KCNQ3: variants seen among roughly 807,000 people sequenced by gnomAD.
KCNQ3 encodes potassium voltage-gated channel subfamily Q member 3.
Under a neutral mutation model 92.5 loss-of-function variants are expected in KCNQ3, and 30 were observed. The ratio of observed to expected loss-of-function variants is 0.32; its 90% CI spans 0.24 to 0.44. KCNQ3 has a LOEUF of 0.44. KCNQ3 is among the 20% of genes least tolerant of loss of function. The pLI is 1.00. For missense variants in KCNQ3, 913 were observed against 1,140.3 expected, an observed-to-expected ratio of 0.80 and a Z score of 2.87; for synonymous variants, 450 against 468.8, an observed-to-expected ratio of 0.96 and a Z score of 0.52.
chr8:132,352,951 A>C (rs1818916563), intron 1 of KCNQ3, among the ~76,000 whole-genome samples: 1 of 152,204 alleles, frequency 6.6e-6, no homozygotes, highest in African/African-American at 2.4e-5. Context: ...ATGAGAGTGA[A>C]GCACACAAAG....
chr8:132,179,937 C>G lies in KCNQ3; in HGVS notation c.777+220G>C, dbSNP rs41272381. ...TGCATATGGTGGAGCCAATACCTAA[C>G]CTCAGTTTCACCTGTTCCTGCTCCC... On this transcript the variant is annotated intron_variant, in intron 4 of 14. Transcript: ENST00000388996. 0.051 allele frequency among the ~76,000 whole-genome samples: 7,779 copies of G among 152,278 alleles called. 308 individuals carry two copies. The highest frequency in any genetic ancestry group is 0.074 in the Non-Finnish European group (5,028 of 68,018).
chr8:132,341,782 C>T (rs1377401281), intron 1 of KCNQ3, among the ~76,000 whole-genome samples: 1 of 152,194 alleles, frequency 6.6e-6, no homozygotes, highest in Non-Finnish European at 1.5e-5. Context: ...AAGAGACATT[C>T]AGAGCATATC....
At chr8:132,168,717 A>ATGTGTG (rs568659056) in intron 8 of KCNQ3, among the ~76,000 whole-genome samples, 4 of 108,520 alleles carry the variant, frequency 3.7e-5, no homozygotes, top group East Asian at 3.1e-4. Flanking sequence ...GATAATGAAT[A>ATGTGTG]TGTGTGTGTG....
At chr8:132,472,846 C>T (rs528240164) in intron 1 of KCNQ3, among the ~76,000 whole-genome samples, 193 of 152,230 alleles carry the variant, frequency 1.3e-3, no homozygotes, top group African/African-American at 4.6e-3. Flanking sequence ...ACACAGTCTA[C>T]GCATGCAATG....
intron 9 of KCNQ3, among the ~76,000 whole-genome samples, chr8:132,160,123 G>A (rs566916271): frequency 6.6e-6 from 1 of 152,288 alleles, no homozygotes; most frequent in Non-Finnish European, 1.5e-5. Flanking sequence ...GGTGACATTA[G>A]GCAGGCTTGC....
At chr8:132,310,572 C>T (rs568706557) in intron 1 of KCNQ3, among the ~76,000 whole-genome samples, 1 of 152,310 alleles carries the variant, frequency 6.6e-6, no homozygotes, top group South Asian at 2.1e-4. Flanking sequence ...TGATGCTGCC[C>T]TCCCTGTAAA....
At chr8:132,282,077 A>G (rs1026443773) in intron 1 of KCNQ3, among the ~76,000 whole-genome samples, 1 of 152,128 alleles carries the variant, frequency 6.6e-6, no homozygotes, top group Non-Finnish European at 1.5e-5. Context: ...CCCATCACAT[A>G]TGCTCCTAAA....
chr8:132,154,193 G>GTTTTTTGTTTTTTTTTTTTTTTT (rs1825726713), intron 9 of KCNQ3, among the ~76,000 whole-genome samples: 5 of 27,494 alleles, frequency 1.8e-4, no homozygotes, highest in African/African-American at 7.4e-4. Flanking sequence ...AAGGGTAAAA[G>GTTTTTTGTTTTTTTTTTTTTTTT]TTTTTTTTTT....
At chr8:132,419,298 C>G (rs182130761) in intron 1 of KCNQ3, among the ~76,000 whole-genome samples, 18 of 152,276 alleles carry the variant, frequency 1.2e-4, no homozygotes, top group African/African-American at 4.3e-4. Context: ...ACTATTAGAC[C>G]ATTTGTCTGG....
rs548226848 is a variant in KCNQ3 at position 132,456,712 on chromosome 8, C to A, written c.386+23435G>T. ...TGCAAAACTCCACCTGCCAGGTTCACGCCATTCTCCTGCCTCAGCCTCCTC... is the reference window on the plus strand; with the variant it reads ...TGCAAAACTCCACCTGCCAGGTTCAAGCCATTCTCCTGCCTCAGCCTCCTC... On this transcript the variant is annotated intron_variant, in intron 1 of 14. Transcript: ENST00000388996. 2.6e-5 allele frequency among the ~76,000 whole-genome samples: 4 copies of A among 151,948 alleles called. No homozygotes were observed. The East Asian group carries it at 7.7e-4, about 29-fold the overall frequency.
intron 9 of KCNQ3, among the ~76,000 whole-genome samples, chr8:132,151,299 A>T (rs1825629630): frequency 6.6e-6 from 1 of 152,236 alleles, no homozygotes; most frequent in Admixed American, 6.5e-5. Context: ...GACTACTGGA[A>T]ATAGATTTAT....
At chr8:132,439,349 A>G (rs1241489881) in intron 1 of KCNQ3, among the ~76,000 whole-genome samples, 3 of 152,180 alleles carry the variant, frequency 2.0e-5, no homozygotes, top group Middle Eastern at 3.4e-3. Flanking sequence ...ATGAAGAGCC[A>G]CAGTCTCCCA....
At chr8:132,322,270 G>T (rs1053537003) in intron 1 of KCNQ3, among the ~76,000 whole-genome samples, 1 of 152,196 alleles carries the variant, frequency 6.6e-6, no homozygotes, top group Non-Finnish European at 1.5e-5. Context: ...TAAACTCTCA[G>T]CAAAGGTGAC....
At chr8:132,307,637 T>A (rs576629607) in intron 1 of KCNQ3, among the ~76,000 whole-genome samples, 1 of 152,334 alleles carries the variant, frequency 6.6e-6, no homozygotes, top group South Asian at 2.1e-4. Flanking sequence ...CAGAGCCCAG[T>A]GGACAGCACA....
At chr8:132,407,894 C>T (rs528930659) in intron 1 of KCNQ3, among the ~76,000 whole-genome samples, 7 of 152,186 alleles carry the variant, frequency 4.6e-5, no homozygotes, top group South Asian at 2.1e-4. Context: ...TCCGAGCTAA[C>T]GAAGAGGGCA....
At chr8:132,372,258 G>C (rs1306733964) in intron 1 of KCNQ3, among the ~76,000 whole-genome samples, 1 of 152,150 alleles carries the variant, frequency 6.6e-6, no homozygotes, top group Non-Finnish European at 1.5e-5. Flanking sequence ...CAGCTCCATA[G>C]GGCTTTTCTT....
chr8:132,131,714 A>G lies in KCNQ3; in HGVS notation c.1884+466T>C, dbSNP rs78216014. Among the ~76,000 whole-genome samples, 117 of 152,332 alleles carry G rather than the reference A, an allele frequency of 7.7e-4. 1 individual carries two copies. The highest frequency in any genetic ancestry group is 3.9e-3 in the East Asian group (20 of 5,190). On this transcript the variant is annotated intron_variant, in intron 14 of 14. Coordinates refer to ENST00000388996, the MANE Select transcript of KCNQ3 (RefSeq NM_004519.4). ...TAACTTGCACGTGATCACTCAGTAA[A>G]TGCTGAATCAGTGATTTGATTTCCA...
At chr8:132,230,836 T>G (rs546280706) in intron 1 of KCNQ3, among the ~76,000 whole-genome samples, 2 of 152,288 alleles carry the variant, frequency 1.3e-5, no homozygotes, top group East Asian at 1.9e-4. Context: ...ACCCCCTTAC[T>G]TAGTGTAATA....
In KCNQ3 at chr8:132,123,395, CT is replaced by C. The variant is rs1563756528; in HGVS notation, c.*5866del. 1 of 152,150 alleles carries C rather than the reference CT, an allele frequency of 6.6e-6. No homozygotes were observed. The highest frequency in any genetic ancestry group is 1.5e-5 in the Non-Finnish European group (1 of 68,052). The allele number at this position is 152,150 out of a possible 1,614,324, so 9.4% of individuals were successfully genotyped here. A position where few individuals can be genotyped will look rare whatever the true frequency, so the allele number is the denominator to read the frequency against. On this transcript the variant is annotated 3_prime_UTR_variant, in exon 15 of 15. Transcript: ENST00000388996. The stretch of plus-strand genomic sequence containing the variant: ...CCAGCAGCAGTGGTTTTTGCTAGGC[CT>C]TTTGAAGACAGCAGGAATCTGGGAG...
Sources: allele counts gnomAD v4.1 joint callset (sites outside exome capture counted in the v4.1 genomes callset), GRCh38; gene constraint gnomAD v4.1.1; transcripts MANE v1.5; gene names NCBI Gene and HGNC (gene_info 2026-07-23, HGNC 2026-07-21).